Variants in DMBT1 observed in about 807,000 individuals in gnomAD.
DMBT1 encodes the protein scavenger receptor cysteine-rich domain-containing protein DMBT1.
DMBT1 carries 198 observed loss-of-function variants against 252.9 expected under a neutral mutation model. The ratio of observed to expected loss-of-function variants is 0.78; its 90% CI spans 0.70 to 0.88. The LOEUF is 0.88. Ranked by LOEUF, DMBT1 falls within the 40% of genes least tolerant of loss-of-function variation. The pLI is 0.00. For synonymous variants in DMBT1, 990 were observed against 942.7 expected (o/e 1.05, Z -0.92); for missense variants, 2,432 against 2,404.7 (o/e 1.01, Z -0.24).
At chr10:122,586,842 A>G (rs2097794506) in intron 16 of DMBT1, among the ~76,000 whole-genome samples, 1 of 148,356 alleles carries the variant, frequency 6.7e-6, no homozygotes, top group African/African-American at 2.4e-5. Context: ...TGGCCTGGGC[A>G]GAGGTCACAT....
chr10:122,636,248 A>G, intron 53 of DMBT1, 49 bp downstream of exon 53: 1 of 1,499,180 alleles, frequency 6.7e-7, no homozygotes, highest in Non-Finnish European at 9.2e-7. Flanking sequence ...ACATCCTGAG[A>G]GCATCTGTGG....
chr10:122,630,974 G>C lies in DMBT1; in HGVS notation c.6039G>C (p.Arg2013Ser). ...TGTGTCTTTCAGATGCCACCTTGAGGTTGGTCAATTTAAATTCATCCTATG... is the reference window on the plus strand; with the variant it reads ...TGTGTCTTTCAGATGCCACCTTGAGCTTGGTCAATTTAAATTCATCCTATG... ...YNSFPSDATL[R>S]LVNLNSSYGL... Residue 2013 changes from arginine (R) to serine (S), a missense_variant, in exon 49 of 56, where the codon AGG (arginine) becomes AGC (serine). Coordinates refer to ENST00000338354, the MANE Select transcript of DMBT1 (RefSeq NM_001377530.1). 1 of 1,600,956 alleles carries C rather than the reference G, an allele frequency of 6.2e-7. No individual in the cohort carries two copies. The highest frequency in any genetic ancestry group is 8.6e-7 in the Non-Finnish European group (1 of 1,169,570).
At chr10:122,563,830 G>C (rs1442671023) in intron 1 of DMBT1, among the ~76,000 whole-genome samples, 1 of 152,188 alleles carries the variant, frequency 6.6e-6, no homozygotes, top group Non-Finnish European at 1.5e-5. Context: ...CTGGCTGGAT[G>C]AGTTCGACTG....
In DMBT1 at chr10:122,625,308, G is replaced by A. The variant is rs764183674; in HGVS notation, c.5635+5G>A. 11 of 1,610,030 alleles carry A rather than the reference G, an allele frequency of 6.8e-6. No homozygotes were observed. Among genetic ancestry groups the A allele is most frequent in the South Asian group, 1.1e-5 (1 of 89,884 alleles). On this transcript the variant is annotated splice_donor_5th_base_variant and intron_variant, in intron 45 of 55. Transcript: ENST00000338354. ...AAATAAATTCTACTACGACAGGTGA[G>A]TCTGCTACACCCCAGTCCAGCAATA...
At chr10:122,573,303 G>A (rs2097682455) in intron 5 of DMBT1, among the ~76,000 whole-genome samples, 3 of 83,212 alleles carry the variant, frequency 3.6e-5, no homozygotes, top group Admixed American at 1.5e-4. Flanking sequence ...GTTTTCTTTC[G>A]AAACCACCTT....
intron 6 of DMBT1, 30 bp downstream of exon 6, chr10:122,573,792 G>A (rs2277235): frequency 0.68 from 1,100,925 of 1,609,562 alleles, 379,248 homozygotes; most frequent in Admixed American, 0.81. Context: ...ATCCCTGTAG[G>A]CTCATTACCC....
At chr10:122,577,720 CAG>C (rs748179866) in intron 7 of DMBT1, 89 bp from the exon 8 acceptor site, 28 of 1,477,524 alleles carry the variant, frequency 1.9e-5, no homozygotes, top group Non-Finnish European at 2.6e-5. Context: ...GGCATCAGCT[CAG>C]GGTGTAGATA....
chr10:122,566,561 C>T (rs565953741), intron 2 of DMBT1, among the ~76,000 whole-genome samples: 124 of 152,258 alleles, frequency 8.1e-4, no homozygotes, highest in East Asian at 3.9e-4. Context: ...CCACCCACCT[C>T]GGCCTCCCAA....
Position 122,619,938 on chromosome 10 carries a change from C to T in DMBT1, c.5246-315C>T, listed in dbSNP as rs188046043. ...CCTTGGTTCCCCTAACATTTTAGCT[C>T]GAACTGTCAGAGTCTCAGCAATGGT... On this transcript the variant is annotated intron_variant, in intron 42 of 55. Transcript: ENST00000338354. 8.5e-5 allele frequency among the ~76,000 whole-genome samples: 13 copies of T among 152,330 alleles called. No homozygotes were observed. In the East Asian group the frequency reaches 2.1e-3, roughly 25 times the overall value.
In DMBT1 at chr10:122,618,209, A is replaced by T. The variant is rs202126535; in HGVS notation, c.5084A>T (p.Gln1695Leu). 66 of 1,613,732 alleles carry T rather than the reference A, an allele frequency of 4.1e-5. No individual in the cohort carries two copies. The highest frequency in any genetic ancestry group is 5.5e-5 in the Non-Finnish European group (65 of 1,179,800). The change falls in exon 41 of 56, where the codon CAG (glutamine) becomes CTG (leucine). Residue 1695 changes from glutamine to leucine, a missense_variant. Coordinates refer to ENST00000338354, the MANE Select transcript of DMBT1 (RefSeq NM_001377530.1). ...MSAPGNAQFG[Q>L]GSGPIVLDDV... ...GCCCCAGGAAATGCCCAGTTTGGCC[A>T]GGGCTCAGGACCCATTGTCCTGGAT...
intron 55 of DMBT1, among the ~76,000 whole-genome samples, chr10:122,640,936 G>A (rs1012237493): frequency 3.3e-5 from 5 of 152,242 alleles, no homozygotes; most frequent in Non-Finnish European, 7.3e-5. Context: ...TTGCTCGCCT[G>A]TCAAGTGGGG....
intron 49 of DMBT1, 21 bp from the exon 50 acceptor site, chr10:122,631,834 T>G: frequency 1.2e-6 from 2 of 1,613,860 alleles, no homozygotes; most frequent in Non-Finnish European, 1.7e-6. Flanking sequence ...GACCTATGCT[T>G]TTTTTCTATT....
chr10:122,632,966 G>T, intron 51 of DMBT1, 76 bp downstream of exon 51: 7 of 1,598,300 alleles, frequency 4.4e-6, no homozygotes, highest in Non-Finnish European at 6.0e-6. Flanking sequence ...CAGTGACAAT[G>T]GGGCTGGGGA....
rs567071369 is a variant in DMBT1, at chr10:122,640,402, A to G, written c.7305A>G (p.Pro2435=). The G allele has an allele frequency of 1.2e-6, 2 of 1,614,004 alleles. No homozygotes were observed. The highest frequency in any genetic ancestry group is 1.3e-5 in the African/African-American group (1 of 75,064). The part of the protein sequence containing the change: ...TLFVDTCVAS[P]YSNDFTSLTY... Reference sequence around the variant, plus strand: ...TTGTGGACACCTGCGTGGCATCACCATACTCCAATGACTTCACGTCTTTGA... The same window carrying G: ...TTGTGGACACCTGCGTGGCATCACCGTACTCCAATGACTTCACGTCTTTGA... Residue 2435 remains proline (P), a synonymous_variant, in exon 55 of 56, where the codon CCA becomes CCG. Transcript: ENST00000338354.
intron 9 of DMBT1, 129 bp downstream of exon 9, chr10:122,578,888 A>C: frequency 1.1e-6 from 1 of 907,506 alleles, no homozygotes. Context: ...GGGTGGCAGC[A>C]GGTGATAAAC....
chr10:122,578,622 G>A (rs1332324055), intron 8 of DMBT1, 96 bp from the exon 9 acceptor site: 8 of 1,095,790 alleles, frequency 7.3e-6, no homozygotes, highest in Admixed American at 2.0e-5. Flanking sequence ...GAGTGGAATT[G>A]TTTTCACAGT....
chr10:122,576,820 C>G (rs896167623), intron 7 of DMBT1, 98 bp downstream of exon 7: 1 of 1,453,344 alleles, frequency 6.9e-7, no homozygotes, highest in Non-Finnish European at 9.5e-7. Flanking sequence ...TGAGCTCAGG[C>G]GTTCAAGACC....
At chr10:122,617,923 TC>T in intron 40 of DMBT1, 93 bp from the exon 41 acceptor site, 1 of 1,571,064 alleles carries the variant, frequency 6.4e-7, no homozygotes, top group Middle Eastern at 2.4e-4. Flanking sequence ...CCCAGGTGAC[TC>T]TGGCCATTAG....
intron 16 of DMBT1, among the ~76,000 whole-genome samples, chr10:122,588,263 T>C (rs2097810061): frequency 6.8e-6 from 1 of 148,102 alleles, no homozygotes; most frequent in Admixed American, 6.7e-5. Context: ...GGTCCCTGTC[T>C]TTTTCATATC....
Sources: allele counts gnomAD v4.1 joint callset (sites outside exome capture counted in the v4.1 genomes callset), GRCh38; gene constraint gnomAD v4.1.1; transcripts MANE v1.5; gene names NCBI Gene and HGNC (gene_info 2026-07-23, HGNC 2026-07-21).